Variants in CNTN5 observed in about 807,000 individuals in gnomAD.
CNTN5 encodes the protein contactin-5.
In CNTN5, 77 loss-of-function variants were observed where a neutral mutation model predicts 129.1. That is an observed-to-expected ratio of 0.60 (90% CI 0.50 to 0.72). The LOEUF (loss-of-function observed/expected upper bound fraction) is 0.72, where lower values mean the gene tolerates loss of function less well. Among genes scored for constraint, CNTN5 ranks in the 30% least tolerant of loss-of-function variants. CNTN5 has a pLI of 0.00. For missense variants in CNTN5, 1,478 were observed against 1,328.8 expected (o/e 1.11, Z -1.75); for synonymous variants, 509 against 465.6 (o/e 1.09, Z -1.20).
At chr11:100,325,022 T>G (rs184244254) in intron 21 of CNTN5, among the ~76,000 whole-genome samples, 3 of 152,222 alleles carry the variant, frequency 2.0e-5, no homozygotes, top group Admixed American at 2.0e-4. Flanking sequence ...AATAACTATA[T>G]CTAGTACTAA....
chr11:99,369,306 A>C (rs1939686094), intron 2 of CNTN5, among the ~76,000 whole-genome samples: 1 of 120,498 alleles, frequency 8.3e-6, no homozygotes, highest in Admixed American at 8.7e-5. Context: ...ATATACAGTC[A>C]AGAAGGAACC....
intron 6 of CNTN5, among the ~76,000 whole-genome samples, chr11:99,899,789 G>C (rs550576115): frequency 6.6e-6 from 1 of 152,138 alleles, no homozygotes; most frequent in East Asian, 1.9e-4. Flanking sequence ...TTTTGGAATA[G>C]TTTTAGTAAG....
chr11:99,814,942 G>A (rs1462614689), intron 3 of CNTN5, among the ~76,000 whole-genome samples: 1 of 152,052 alleles, frequency 6.6e-6, no homozygotes, highest in African/African-American at 2.4e-5. Flanking sequence ...TTCACAAGGT[G>A]GCAGTAGAGA....
At chr11:100,057,030 A>G (rs1006632548) in intron 9 of CNTN5, among the ~76,000 whole-genome samples, 2 of 151,544 alleles carry the variant, frequency 1.3e-5, no homozygotes, top group Non-Finnish European at 3.0e-5. Context: ...CAGGTTCCTG[A>G]AAGTAGAAAG....
intron 7 of CNTN5, among the ~76,000 whole-genome samples, chr11:99,935,157 G>T (rs1289388958): frequency 2.0e-5 from 3 of 151,056 alleles, no homozygotes. Context: ...ACCTGCTATT[G>T]TTCAGATTCT....
intron 15 of CNTN5, among the ~76,000 whole-genome samples, chr11:100,208,325 C>T (rs2138577682): frequency 6.6e-6 from 1 of 152,236 alleles, no homozygotes; most frequent in Middle Eastern, 3.4e-3. Flanking sequence ...AAGACTCACG[C>T]ATCTGCAATC....
chr11:99,037,532 C>G (rs1394754043), intron 1 of CNTN5, among the ~76,000 whole-genome samples: 1 of 150,518 alleles, frequency 6.6e-6, no homozygotes, highest in Non-Finnish European at 1.5e-5. Context: ...CATTTTCTGC[C>G]AAAATTAATG....
At chr11:99,759,600 G>A (rs1431538863) in intron 3 of CNTN5, among the ~76,000 whole-genome samples, 2 of 151,722 alleles carry the variant, frequency 1.3e-5, no homozygotes, top group East Asian at 3.9e-4. Flanking sequence ...TATTAATTCA[G>A]GTGTGAAGTC....
intron 2 of CNTN5, among the ~76,000 whole-genome samples, chr11:99,403,934 C>A (rs1041058418): frequency 1.3e-5 from 2 of 152,042 alleles, no homozygotes; most frequent in Non-Finnish European, 2.9e-5. Context: ...GAAGATTTGT[C>A]CAATGCTAAA....
chr11:99,026,365 A>C (rs188853781), intron 1 of CNTN5, among the ~76,000 whole-genome samples: 49 of 151,744 alleles, frequency 3.2e-4, no homozygotes, highest in Non-Finnish European at 5.3e-4. Flanking sequence ...TATTAAAACA[A>C]CTTGTTAGTG....
chr11:100,199,757 C>A (rs1948730457), intron 15 of CNTN5, among the ~76,000 whole-genome samples: 1 of 151,758 alleles, frequency 6.6e-6, no homozygotes, highest in African/African-American at 2.4e-5. Context: ...TGAATATGAT[C>A]AATATATGCC....
At chr11:100,156,689 G>A (rs975764967) in intron 13 of CNTN5, among the ~76,000 whole-genome samples, 1 of 151,870 alleles carries the variant, frequency 6.6e-6, no homozygotes, top group Non-Finnish European at 1.5e-5. Flanking sequence ...GTCTATTCAG[G>A]GATTCAACTT....
intron 1 of CNTN5, among the ~76,000 whole-genome samples, chr11:99,186,734 A>C (rs1467066808): frequency 6.6e-6 from 1 of 151,952 alleles, no homozygotes; most frequent in Non-Finnish European, 1.5e-5. Context: ...CCACTTTCTC[A>C]ATCTGTAAAA....
Position 100,120,252 on chromosome 11 carries a change from G to A in CNTN5, c.1580+45958G>A, listed in dbSNP as rs372765429. Among the ~76,000 whole-genome samples the A allele has an allele frequency of 4.2e-4, 64 of 151,990 alleles. 1 individual carries two copies. The South Asian group carries it at 0.013, about 31-fold the overall frequency. ...ATTTTTGTAACAAGCATGTGATTAAGGATTTTATACATATTGACAAATTGC... is the reference window on the plus strand; with the variant it reads ...ATTTTTGTAACAAGCATGTGATTAAAGATTTTATACATATTGACAAATTGC... On this transcript the variant is annotated intron_variant, in intron 13 of 24. Coordinates refer to ENST00000524871, the MANE Select transcript of CNTN5 (RefSeq NM_014361.4).
chr11:99,509,962 C>CTA (rs1336652734), intron 2 of CNTN5, among the ~76,000 whole-genome samples: 3 of 151,434 alleles, frequency 2.0e-5, no homozygotes, highest in African/African-American at 7.3e-5. Context: ...TTCTGTAAGT[C>CTA]TATATACAAA....
rs770827882 is a variant in CNTN5 at position 99,357,491 on chromosome 11, C to G, written c.-71+32007C>G. Among the ~76,000 whole-genome samples, 53 of 152,074 alleles carry G rather than the reference C, an allele frequency of 3.5e-4. 1 individual carries two copies. Among genetic ancestry groups the G allele is most frequent in the Non-Finnish European group, 7.1e-4 (48 of 67,962 alleles). On this transcript the variant is annotated intron_variant, in intron 2 of 24. Coordinates refer to ENST00000524871, the MANE Select transcript of CNTN5 (RefSeq NM_014361.4). ...ACACACACACGCTCCTCCCCACCCC[C>G]ACCACACACACACTCTAAGGTTTAT...
intron 1 of CNTN5, among the ~76,000 whole-genome samples, chr11:99,237,913 A>G (rs1398190754): frequency 6.6e-6 from 1 of 152,156 alleles, no homozygotes; most frequent in African/African-American, 2.4e-5. Context: ...GTCAATGAAA[A>G]TGATTTTATT....
intron 3 of CNTN5, among the ~76,000 whole-genome samples, chr11:99,734,679 C>G (rs1179292014): frequency 1.3e-5 from 2 of 151,120 alleles, no homozygotes; most frequent in Non-Finnish European, 2.9e-5. Context: ...GGGTGTGTCC[C>G]TATTTACATT....
intron 4 of CNTN5, among the ~76,000 whole-genome samples, chr11:99,836,750 G>T (rs1176537038): frequency 1.3e-5 from 2 of 152,160 alleles, no homozygotes; most frequent in African/African-American, 4.8e-5. Flanking sequence ...CTAGTTTACA[G>T]TCTCACCAAC....
Sources: gnomAD v4.1 joint callset for allele counts (sites outside exome capture counted in the v4.1 genomes callset) on GRCh38, gnomAD v4.1.1 for gene constraint, MANE v1.5 for transcripts, NCBI Gene and HGNC (gene_info 2026-07-23, HGNC 2026-07-21) for gene names.